Variants in AKR1B10 observed in about 807,000 individuals in gnomAD.
The protein encoded by AKR1B10 is aldo-keto reductase family 1 member B10, also known as ARP.
A neutral mutation model predicts 38.9 loss-of-function variants in AKR1B10; 39 were observed. The observed-to-expected ratio is 1.00, with a 90% CI of 0.78 to 1.31. The LOEUF (loss-of-function observed/expected upper bound fraction) is 1.31, where lower values mean the gene tolerates loss of function less well. Ranked by LOEUF, AKR1B10 falls within the 50% of genes most tolerant of loss-of-function variation. The pLI is 0.00. For synonymous variants in AKR1B10, 148 were observed against 141.2 expected (o/e 1.05, Z -0.34); for missense variants, 361 against 382.6 (o/e 0.94, Z 0.47).
In AKR1B10 at chr7:134,530,940, G is replaced by A. The variant is rs1807839808; in HGVS notation, c.234+130G>A. 2.1e-5 allele frequency: 27 copies of A among 1,280,830 alleles called. 1 individual carries two copies. Among genetic ancestry groups the A allele is most frequent in the South Asian group, 1.8e-4 (12 of 67,392 alleles). The allele number at this position is 1,280,830 out of a possible 1,614,324, so 79.3% of individuals were successfully genotyped here. Reference sequence around the variant, plus strand: ...TTTCATCTCTGCCTTGATAACATCCGTGAATACAACACTATCCATACTCCA... The same window carrying A: ...TTTCATCTCTGCCTTGATAACATCCATGAATACAACACTATCCATACTCCA... On this transcript the variant is annotated intron_variant, in intron 2 of 9. Coordinates refer to ENST00000359579, the MANE Select transcript of AKR1B10 (RefSeq NM_020299.5).
In AKR1B10 at chr7:134,538,241, G is replaced by A. The variant is rs1449369428; in HGVS notation, c.789G>A (p.Lys263=). 6.2e-7 allele frequency: 1 copy of A among 1,614,118 alleles called. No individual in the cohort carries two copies. The highest frequency in any genetic ancestry group is 1.3e-5 in the African/African-American group (1 of 75,052). The part of the protein sequence containing the change: ...HIQRNVIVIP[K]SVTPARIVEN... ...AGAGGAATGTGATTGTCATCCCCAAGTCTGTGACACCAGCACGCATTGTTG... is the reference window on the plus strand; with the variant it reads ...AGAGGAATGTGATTGTCATCCCCAAATCTGTGACACCAGCACGCATTGTTG... Residue 263 remains lysine, a synonymous_variant, in exon 8 of 10, where the codon AAG becomes AAA. Coordinates refer to ENST00000359579, the MANE Select transcript of AKR1B10 (RefSeq NM_020299.5).
chr7:134,531,667 C>A (rs890943086), intron 2 of AKR1B10, among the ~76,000 whole-genome samples: 7 of 152,170 alleles, frequency 4.6e-5, no homozygotes, highest in African/African-American at 1.4e-4. Flanking sequence ...CTTCAATGAT[C>A]TGAGACACGT....
chr7:134,528,464 C>A (rs536975289), intron 1 of AKR1B10, among the ~76,000 whole-genome samples: 2 of 152,300 alleles, frequency 1.3e-5, no homozygotes, highest in African/African-American at 4.8e-5. Context: ...TGGCTTATCC[C>A]TGTAATCCCA....
chr7:134,531,133 C>T (rs553196911), intron 2 of AKR1B10, among the ~76,000 whole-genome samples: 76 of 152,150 alleles, frequency 5.0e-4, no homozygotes, highest in African/African-American at 1.8e-3. Flanking sequence ...AGGGTGCAGG[C>T]GGGTCTTGAT....
chr7:134,535,709 GCTGTGATGTTAT>G, intron 4 of AKR1B10: 1 of 980,250 alleles, frequency 1.0e-6, no homozygotes, highest in Non-Finnish European at 1.2e-6. Context: ...TGTCTATGCC[GCTGTGATGTTAT>G]CTGAGGCAGC....
At chr7:134,528,011 C>G in intron 1 of AKR1B10, 34 bp downstream of exon 1, 1 of 1,610,176 alleles carries the variant, frequency 6.2e-7, no homozygotes. Context: ...CCCTTCTTCT[C>G]TGGAGGGGCG....
chr7:134,537,673 T>A lies in AKR1B10; in HGVS notation c.741+12T>A. 6.2e-7 allele frequency: 1 copy of A among 1,613,872 alleles called. No individual in the cohort carries two copies. The highest frequency in any genetic ancestry group is 8.5e-7 in the Non-Finnish European group (1 of 1,179,800). ...AAACCGCAGCCCAGGTGCCATATTT[T>A]TATTTTTCTTGTTATCCAACAACTC... On this transcript the variant is annotated intron_variant, in intron 7 of 9. Transcript: ENST00000359579.
chr7:134,535,240 A>AAT (rs1173636215), intron 4 of AKR1B10, among the ~76,000 whole-genome samples: 1 of 152,168 alleles, frequency 6.6e-6, no homozygotes, highest in Non-Finnish European at 1.5e-5. Context: ...AGCCTCTGGT[A>AAT]ATATATATCA....
intron 9 of AKR1B10, among the ~76,000 whole-genome samples, chr7:134,539,431 T>C (rs1031506685): frequency 1.3e-5 from 2 of 152,028 alleles, no homozygotes; most frequent in Non-Finnish European, 1.5e-5. Flanking sequence ...ACTCAAAATA[T>C]AGATGTCAGA....
At chr7:134,528,887 A>G (rs2117533318) in intron 1 of AKR1B10, among the ~76,000 whole-genome samples, 1 of 152,308 alleles carries the variant, frequency 6.6e-6, no homozygotes, top group East Asian at 1.9e-4. Context: ...CTGGGGCTGC[A>G]GAGAGCCTGG....
intron 9 of AKR1B10, among the ~76,000 whole-genome samples, chr7:134,540,575 G>A (rs905199699): frequency 2.0e-5 from 3 of 152,138 alleles, no homozygotes; most frequent in African/African-American, 7.2e-5. Flanking sequence ...TTTCCAAGTT[G>A]GTTTCTTCAC....
intron 4 of AKR1B10, among the ~76,000 whole-genome samples, chr7:134,536,331 G>A (rs1808000931): frequency 6.7e-6 from 1 of 148,674 alleles, no homozygotes; most frequent in Non-Finnish European, 1.5e-5. Flanking sequence ...TTATTTTTTT[G>A]CATTACAAAA....
At chr7:134,535,608 T>TTTTTTTTTTG (rs1554396830) in intron 4 of AKR1B10, 10 of 881,308 alleles carry the variant, frequency 1.1e-5, no homozygotes, top group Admixed American at 1.8e-4. Flanking sequence ...TTTTTTTTTT[T>TTTTTTTTTTG]CTTTTGAGGC....
rs528813397 is a variant in AKR1B10, at chr7:134,527,810, C to T, written c.-102C>T. ...GTAGTGAGCTGAGATCGCACCACTGCACTCTAGCCTTGGCAACAGTGCAAG... is the reference window on the plus strand; with the variant it reads ...GTAGTGAGCTGAGATCGCACCACTGTACTCTAGCCTTGGCAACAGTGCAAG... On this transcript the variant is annotated 5_prime_UTR_variant, in exon 1 of 10. Transcript: ENST00000359579. 4.4e-4 allele frequency: 686 copies of T among 1,553,142 alleles called. 1 individual carries two copies. In the African/African-American group the frequency reaches 8.6e-3, roughly 20 times the overall value.
In AKR1B10 at chr7:134,538,236, CCCAAGTCTGTGACA is replaced by C; in HGVS notation, c.788_801del (p.Lys263SerfsTer5). On this transcript the variant is annotated frameshift_variant, in exon 8 of 10. Coordinates refer to ENST00000359579, the MANE Select transcript of AKR1B10 (RefSeq NM_020299.5). LOFTEE classifies it high-confidence loss of function. ...TATCCAGAGGAATGTGATTGTCATC[CCCAAGTCTGTGACA>C]CCAGCACGCATTGTTGAGAACATTC... The C allele has an allele frequency of 6.2e-7, 1 of 1,614,070 alleles. No individual in the cohort carries two copies. The highest frequency in any genetic ancestry group is 1.1e-5 in the South Asian group (1 of 91,062).
At position 134,533,009 on chromosome 7, in the gene AKR1B10, G is replaced by T; in HGVS notation, c.357G>T (p.Gly119=). 1 of 1,602,850 alleles carries T rather than the reference G, an allele frequency of 6.2e-7. No individual in the cohort carries two copies. Residue 119 remains glycine, a synonymous_variant, in exon 4 of 10, where the codon GGG becomes GGT. Transcript: ENST00000359579. ...LIHWPQGFKS[G]DDLFPKDDKG... The stretch of plus-strand genomic sequence containing the variant: ...TTTTCATTCTGTGTTCACAGTCTGG[G>T]GATGACCTTTTCCCCAAAGATGATA...
Position 134,527,758 on chromosome 7 carries a change from A to T in AKR1B10, c.-154A>T. 9.4e-7 allele frequency: 1 copy of T among 1,063,878 alleles called. No individual in the cohort carries two copies. The highest frequency in any genetic ancestry group is 2.5e-5 in the Admixed American group (1 of 39,936). The allele number at this position is 1,063,878 out of a possible 1,614,324, so 65.9% of individuals were successfully genotyped here. ...CTACTCGGGAGGCTGAGGCAGGAGA[A>T]TTGCTTGAACCCAGGAGACAGAGGT... On this transcript the variant is annotated 5_prime_UTR_variant, in exon 1 of 10. Coordinates refer to ENST00000359579, the MANE Select transcript of AKR1B10 (RefSeq NM_020299.5).
At chr7:134,538,642 G>T (rs1366078957) in intron 8 of AKR1B10, among the ~76,000 whole-genome samples, 2 of 152,172 alleles carry the variant, frequency 1.3e-5, no homozygotes, top group Non-Finnish European at 2.9e-5. Context: ...TGTCCTTGGA[G>T]AAGTGTCCTC....
In AKR1B10 at chr7:134,537,669, AT is replaced by A. The variant is rs1274053215; in HGVS notation, c.741+13del. On this transcript the variant is annotated intron_variant, in intron 7 of 9. Coordinates refer to ENST00000359579, the MANE Select transcript of AKR1B10 (RefSeq NM_020299.5). Reference sequence around the variant, plus strand: ...AAAAAAACCGCAGCCCAGGTGCCATATTTTTATTTTTCTTGTTATCCAACAA... The same window carrying A: ...AAAAAAACCGCAGCCCAGGTGCCATATTTTATTTTTCTTGTTATCCAACAA... 9.9e-6 allele frequency: 16 copies of A among 1,613,750 alleles called. No homozygotes were observed. Among genetic ancestry groups the A allele is most frequent in the African/African-American group, 1.3e-5 (1 of 74,898 alleles).
Sources: gnomAD v4.1 joint callset for allele counts (sites outside exome capture counted in the v4.1 genomes callset) on GRCh38, gnomAD v4.1.1 for gene constraint, MANE v1.5 for transcripts, NCBI Gene and HGNC (gene_info 2026-07-23, HGNC 2026-07-21) for gene names.